Variants in GRIK2 observed in about 807,000 individuals in gnomAD.
GRIK2 encodes glutamate ionotropic receptor kainate type subunit 2.
A neutral mutation model predicts 100.3 loss-of-function variants in GRIK2; 32 were observed. That is an observed-to-expected ratio of 0.32 (90% CI 0.24 to 0.43). GRIK2 has a LOEUF of 0.43. Ranked by LOEUF, GRIK2 falls within the 20% of genes least tolerant of loss-of-function variation. The pLI, the probability that GRIK2 is intolerant of heterozygous loss-of-function variation, is 1.00. For missense variants in GRIK2, 843 were observed against 1,114.9 expected (o/e 0.76, Z 3.47); for synonymous variants, 417 against 389.4 (o/e 1.07, Z -0.83).
At chr6:101,978,792 A>C (rs888972650) in intron 14 of GRIK2, among the ~76,000 whole-genome samples, 3 of 152,024 alleles carry the variant, frequency 2.0e-5, no homozygotes, top group Non-Finnish European at 2.9e-5. Flanking sequence ...TCAGTTTTCT[A>C]TTCAATAGAA....
intron 14 of GRIK2, among the ~76,000 whole-genome samples, chr6:101,962,301 A>G (rs781498022): frequency 9.3e-5 from 14 of 150,680 alleles, no homozygotes; most frequent in Non-Finnish European, 1.8e-4. Flanking sequence ...TTCTTTATGA[A>G]AACTGGCATT....
chr6:101,494,911 G>A (rs943604795), intron 2 of GRIK2, among the ~76,000 whole-genome samples: 1 of 148,702 alleles, frequency 6.7e-6, no homozygotes, highest in African/African-American at 2.5e-5. Flanking sequence ...GGGAGACAGA[G>A]TGAGACTCTA....
intron 4 of GRIK2, among the ~76,000 whole-genome samples, chr6:101,660,573 A>G (rs1769537599): frequency 6.6e-6 from 1 of 152,146 alleles, no homozygotes; most frequent in Admixed American, 6.5e-5. Context: ...TGGAATTTTC[A>G]GCATTTTTGT....
chr6:101,722,171 CTTCTT>C lies in GRIK2; in HGVS notation c.951+35822_951+35826del, dbSNP rs1318922914. Among the ~76,000 whole-genome samples, 3 of 151,996 alleles carry C rather than the reference CTTCTT, an allele frequency of 2.0e-5. No homozygotes were observed. The East Asian group carries it at 5.8e-4, about 30-fold the overall frequency. ...AAGATTTATAGTGATTAGCAATATT[CTTCTT>C]TTCAAGAGAGAAAAATTATGGTATG... On this transcript the variant is annotated intron_variant, in intron 7 of 16. Transcript: ENST00000369134.
chr6:101,972,987 C>T (rs925912160), intron 14 of GRIK2, among the ~76,000 whole-genome samples: 3 of 152,016 alleles, frequency 2.0e-5, no homozygotes, highest in African/African-American at 7.2e-5. Context: ...TGTGATGCCT[C>T]AAGCTTTGTT....
chr6:101,455,367 A>C (rs1770945297), intron 2 of GRIK2, among the ~76,000 whole-genome samples: 1 of 152,130 alleles, frequency 6.6e-6, no homozygotes, highest in Non-Finnish European at 1.5e-5. Flanking sequence ...TTCTTAAGTG[A>C]CTAGAGTGGG....
chr6:102,046,405 A>T (rs1395195126), intron 15 of GRIK2, among the ~76,000 whole-genome samples: 2 of 152,028 alleles, frequency 1.3e-5, no homozygotes, highest in African/African-American at 4.8e-5. Flanking sequence ...AATTAATTGG[A>T]TCATGGGGGC....
At chr6:101,946,389 G>T (rs905290220) in intron 14 of GRIK2, among the ~76,000 whole-genome samples, 7 of 151,806 alleles carry the variant, frequency 4.6e-5, no homozygotes, top group African/African-American at 1.2e-4. Flanking sequence ...CATTAGCCAG[G>T]GTGTGGTGGC....
chr6:101,595,714 G>GTATATATATATATATATATATATATATA (rs1213458153), intron 2 of GRIK2, among the ~76,000 whole-genome samples: 6 of 129,602 alleles, frequency 4.6e-5, no homozygotes, highest in Admixed American at 7.4e-5. Flanking sequence ...GTGTGTGTGT[G>GTATATATATATATATATATATATATATA]TGTGTATATA....
intron 7 of GRIK2, among the ~76,000 whole-genome samples, chr6:101,749,320 G>C (rs775289621): frequency 2.6e-5 from 4 of 152,098 alleles, no homozygotes; most frequent in Non-Finnish European, 5.9e-5. Flanking sequence ...TGTTGGCCAG[G>C]CTGGTCTTGA....
intron 11 of GRIK2, among the ~76,000 whole-genome samples, chr6:101,882,510 A>C (rs1400240465): frequency 6.6e-6 from 1 of 151,960 alleles, no homozygotes; most frequent in African/African-American, 2.4e-5. Flanking sequence ...TAGCAGGCTT[A>C]TTTCACCATT....
chr6:101,923,570 T>C (rs1408877523), intron 12 of GRIK2, among the ~76,000 whole-genome samples: 1 of 152,134 alleles, frequency 6.6e-6, no homozygotes, highest in East Asian at 1.9e-4. Context: ...AGTTATAGAT[T>C]TGAAACAAAA....
chr6:102,036,019 G>A (rs1770249156), intron 15 of GRIK2, among the ~76,000 whole-genome samples: 2 of 151,240 alleles, frequency 1.3e-5, no homozygotes, highest in Non-Finnish European at 3.0e-5. Context: ...TTAAAAGAAG[G>A]TAGAAATAGA....
chr6:102,008,169 T>G (rs756873634), intron 14 of GRIK2, among the ~76,000 whole-genome samples: 1 of 152,042 alleles, frequency 6.6e-6, no homozygotes, highest in Non-Finnish European at 1.5e-5. Context: ...GAGGAAACCA[T>G]TGGTCTGTGA....
rs772318857 is a variant in GRIK2 at position 102,065,880 on chromosome 6, A to C, written c.2563-2467A>C. ...CCATTTCTACAGTGTTGTCATCATC[A>C]CCATCTTCATCATCATTATCATCAT... On this transcript the variant is annotated intron_variant, in intron 16 of 16. Transcript: ENST00000369134. 4.8e-6 allele frequency: 7 copies of C among 1,452,072 alleles called. 1 individual carries two copies. The Middle Eastern group carries it at 7.2e-4, about 149-fold the overall frequency. The allele number at this position is 1,452,072 out of a possible 1,614,324, so 89.9% of individuals were successfully genotyped here.
At chr6:101,876,492 C>G (rs200359260) in intron 11 of GRIK2, among the ~76,000 whole-genome samples, 41,785 of 149,062 alleles carry the variant, frequency 0.28, 6,829 homozygotes, top group East Asian at 0.79. Flanking sequence ...CAAACACACA[C>G]ACACACACAC....
chr6:101,423,132 T>A (rs1253809741), intron 2 of GRIK2, among the ~76,000 whole-genome samples: 1 of 152,206 alleles, frequency 6.6e-6, no homozygotes, highest in Non-Finnish European at 1.5e-5. Flanking sequence ...TCTCTTTCTC[T>A]ATCCATCCAC....
chr6:101,804,895 G>T (rs897045741), intron 9 of GRIK2, among the ~76,000 whole-genome samples: 4 of 151,796 alleles, frequency 2.6e-5, no homozygotes, highest in African/African-American at 9.7e-5. Context: ...TGACTTAGAA[G>T]GAACAAAATG....
intron 14 of GRIK2, among the ~76,000 whole-genome samples, chr6:101,955,638 A>G (rs1791887732): frequency 1.6e-5 from 2 of 125,330 alleles, no homozygotes; most frequent in Admixed American, 8.9e-5. Flanking sequence ...TTTTACAGTC[A>G]GATTTGGTAG....
Sources: allele counts gnomAD v4.1 joint callset (sites outside exome capture counted in the v4.1 genomes callset), GRCh38; gene constraint gnomAD v4.1.1; transcripts MANE v1.5; gene names NCBI Gene and HGNC (gene_info 2026-07-23, HGNC 2026-07-21).